Variants in LRP2 observed in about 807,000 individuals in gnomAD.
LRP2 encodes LDL receptor related protein 2.
LRP2 carries 172 observed loss-of-function variants against 531.0 expected under a neutral mutation model. That is an observed-to-expected ratio of 0.32 (90% CI 0.29 to 0.37). The LOEUF (loss-of-function observed/expected upper bound fraction) is 0.37, where lower values mean the gene tolerates loss of function less well. LRP2 is among the 10% of genes least tolerant of loss of function. The pLI is 1.00. For synonymous variants in LRP2, 1,992 were observed against 2,027.6 expected, an observed-to-expected ratio of 0.98 and a Z score of 0.47; for missense variants, 5,167 against 5,868.3, an observed-to-expected ratio of 0.88 and a Z score of 3.90.
chr2:169,294,828 T>C, intron 4 of LRP2, 118 bp from the exon 5 acceptor site: 2 of 684,676 alleles, frequency 2.9e-6, no homozygotes, highest in South Asian at 1.7e-5. Flanking sequence ...AATGCATATA[T>C]TGATACACAA....
intron 4 of LRP2, among the ~76,000 whole-genome samples, chr2:169,304,698 C>T (rs576352571): frequency 1.3e-5 from 2 of 152,194 alleles, no homozygotes; most frequent in Non-Finnish European, 2.9e-5. Flanking sequence ...GCATAATTTC[C>T]AGAGTGAAGG....
intron 44 of LRP2, among the ~76,000 whole-genome samples, chr2:169,200,553 GACAGC>G (rs1688170723): frequency 1.3e-5 from 2 of 152,064 alleles, no homozygotes; most frequent in African/African-American, 4.8e-5. Context: ...AAAAACAGTT[GACAGC>G]ACTGTATTAA....
intron 33 of LRP2, 92 bp downstream of exon 33, chr2:169,225,218 A>G: frequency 7.3e-7 from 1 of 1,361,278 alleles, no homozygotes; most frequent in Middle Eastern, 2.4e-4. Context: ...CTTAAAAATG[A>G]TTCCAAAATC....
intron 9 of LRP2, among the ~76,000 whole-genome samples, chr2:169,284,386 T>G (rs1683792250): frequency 6.9e-6 from 1 of 144,014 alleles, no homozygotes; most frequent in East Asian, 2.3e-4. Flanking sequence ...CACCTCAGCC[T>G]ACCGAGTAGC....
At chr2:169,159,557 T>C (rs1686496464) in intron 63 of LRP2, among the ~76,000 whole-genome samples, 1 of 152,162 alleles carries the variant, frequency 6.6e-6, no homozygotes, top group African/African-American at 2.4e-5. Flanking sequence ...AAAACATCTA[T>C]TTAGATTTTC....
chr2:169,192,058 A>G (rs760480535), intron 47 of LRP2, 25 bp from the exon 48 acceptor site: 4 of 1,581,686 alleles, frequency 2.5e-6, no homozygotes, highest in Non-Finnish European at 2.6e-6. Flanking sequence ...CGCAAGAATC[A>G]GAAAGCATGA....
intron 76 of LRP2, among the ~76,000 whole-genome samples, chr2:169,136,722 C>G (rs1011131097): frequency 1.3e-5 from 2 of 151,404 alleles, no homozygotes; most frequent in African/African-American, 2.4e-5. Context: ...TAAAACGGCC[C>G]CACCCCTATC....
At position 169,213,997 on chromosome 2, in the gene LRP2, T is replaced by A. The variant is rs983837134; in HGVS notation, c.5827-127A>T. ...GCCCTCTATCCCTTACAGAGATTTTTCACTTCTATTTTCTGATTTGATCAT... is the reference window on the plus strand; with the variant it reads ...GCCCTCTATCCCTTACAGAGATTTTACACTTCTATTTTCTGATTTGATCAT... On this transcript the variant is annotated intron_variant, in intron 35 of 78. Coordinates refer to ENST00000649046, the MANE Select transcript of LRP2 (RefSeq NM_004525.3). 5 of 710,958 alleles carry A rather than the reference T, an allele frequency of 7.0e-6. No homozygotes were observed. In the African/African-American group the frequency reaches 8.9e-5, roughly 13 times the overall value. The allele number at this position is 710,958 out of a possible 1,614,324, so 44.0% of individuals were successfully genotyped here.
At chr2:169,172,214 A>G (rs1687032432) in intron 57 of LRP2, 80 bp from the exon 58 acceptor site, 1 of 1,541,572 alleles carries the variant, frequency 6.5e-7, no homozygotes, top group Non-Finnish European at 8.9e-7. Context: ...CTTGTGAGAC[A>G]GTCTGAGAAT....
At chr2:169,301,971 C>T (rs1411400370) in intron 4 of LRP2, among the ~76,000 whole-genome samples, 1 of 152,112 alleles carries the variant, frequency 6.6e-6, no homozygotes, top group Non-Finnish European at 1.5e-5. Flanking sequence ...TTTCCAACAT[C>T]CATTACTATT....
intron 25 of LRP2, 104 bp downstream of exon 25, chr2:169,240,884 A>T (rs754339384): frequency 3.6e-4 from 512 of 1,416,604 alleles, no homozygotes; most frequent in Non-Finnish European, 4.6e-4. Context: ...GAGGAACTGA[A>T]ATCCTTCCTA....
chr2:169,257,055 C>A (rs1276127024), intron 18 of LRP2, 69 bp downstream of exon 18: 1 of 1,591,316 alleles, frequency 6.3e-7, no homozygotes, highest in African/African-American at 1.3e-5. Flanking sequence ...ATCATATCAC[C>A]CAACCTGCCT....
chr2:169,272,048 T>C (rs1683432272), intron 15 of LRP2, among the ~76,000 whole-genome samples: 1 of 152,136 alleles, frequency 6.6e-6, no homozygotes, highest in Non-Finnish European at 1.5e-5. Context: ...ATGTTGTTTT[T>C]AATGAGGGTG....
intron 4 of LRP2, among the ~76,000 whole-genome samples, chr2:169,299,913 A>T (rs1281444391): frequency 6.6e-6 from 1 of 152,100 alleles, no homozygotes; most frequent in African/African-American, 2.4e-5. Context: ...TAATTTGAAT[A>T]CTCATCAGCA....
intron 65 of LRP2, among the ~76,000 whole-genome samples, chr2:169,155,696 G>A (rs1553486600): frequency 1.3e-5 from 2 of 151,892 alleles, no homozygotes; most frequent in African/African-American, 2.4e-5. Flanking sequence ...TATTAGGCCC[G>A]ATTGTCAGAC....
Position 169,177,986 on chromosome 2 carries a change from C to CG in LRP2, c.10209_10210insC (p.Asp3404ArgfsTer14). 6.2e-7 allele frequency: 1 copy of CG among 1,614,122 alleles called. No individual in the cohort carries two copies. Among genetic ancestry groups the CG allele is most frequent in the Non-Finnish European group, 8.5e-7 (1 of 1,180,022 alleles). On this transcript the variant is annotated frameshift_variant, in exon 53 of 79. Coordinates refer to ENST00000649046, the MANE Select transcript of LRP2 (RefSeq NM_004525.3). LOFTEE classifies it high-confidence loss of function. Reference sequence around the variant, plus strand: ...GCGAAAGGGTGAGGCAGTGCCCCATCATACACCGTGTGTCGATGGTGGCCC... The same window carrying CG: ...GCGAAAGGGTGAGGCAGTGCCCCATCGATACACCGTGTGTCGATGGTGGCCC...
intron 1 of LRP2, among the ~76,000 whole-genome samples, chr2:169,358,739 T>C (rs1686060476): frequency 6.6e-6 from 1 of 152,182 alleles, no homozygotes; most frequent in African/African-American, 2.4e-5. Flanking sequence ...CTGCCTATAA[T>C]GTCAGCACTT....
intron 46 of LRP2, among the ~76,000 whole-genome samples, chr2:169,196,670 A>G (rs1024637578): frequency 2.6e-5 from 4 of 152,214 alleles, no homozygotes; most frequent in African/African-American, 9.7e-5. Flanking sequence ...TCACCAATAT[A>G]ATTTCATTTT....
intron 1 of LRP2, among the ~76,000 whole-genome samples, chr2:169,325,712 A>G (rs1052561270): frequency 3.9e-5 from 6 of 152,232 alleles, no homozygotes; most frequent in Non-Finnish European, 8.8e-5. Flanking sequence ...CAGGAACAGC[A>G]AACCAACCTG....
Sources: gnomAD v4.1 joint callset for allele counts (sites outside exome capture counted in the v4.1 genomes callset) on GRCh38, gnomAD v4.1.1 for gene constraint, MANE v1.5 for transcripts, NCBI Gene and HGNC (gene_info 2026-07-23, HGNC 2026-07-21) for gene names.